TBC1D8: variants seen among roughly 807,000 people sequenced by gnomAD.
The protein encoded by TBC1D8 is BUB2-like protein 1.
In TBC1D8, 65 loss-of-function variants were observed where a neutral mutation model predicts 118.8. The observed-to-expected ratio is 0.55, with a 90% CI of 0.45 to 0.67. The LOEUF is 0.67. Among genes scored for constraint, TBC1D8 ranks in the 30% least tolerant of loss-of-function variants. The pLI is 0.00. For synonymous variants in TBC1D8, 566 were observed against 595.8 expected (o/e 0.95, Z 0.73); for missense variants, 1,376 against 1,471.2 (o/e 0.94, Z 1.06).
At position 101,118,838 on chromosome 2, in the gene TBC1D8, T is replaced by A. The variant is rs553536332; in HGVS notation, c.128-28474A>T. On this transcript the variant is annotated intron_variant, in intron 1 of 19. Coordinates refer to ENST00000409318, the MANE Select transcript of TBC1D8 (RefSeq NM_001330348.2). ...GACCGGGCAACATGTTGAAACCCCA[T>A]CTCTACGAAGAAAATACAAAAATTA... Among the ~76,000 whole-genome samples the A allele has an allele frequency of 9.9e-5, 15 of 152,080 alleles. No individual in the cohort carries two copies. In the East Asian group the frequency reaches 2.5e-3, roughly 25 times the overall value.
chr2:101,046,309 G>A (rs535382828), intron 5 of TBC1D8, among the ~76,000 whole-genome samples: 3 of 152,160 alleles, frequency 2.0e-5, no homozygotes, highest in Admixed American at 1.3e-4. Flanking sequence ...TTGGAAATCC[G>A]TCTGCACTGA....
Position 101,055,459 on chromosome 2 carries a change from C to CTACT in TBC1D8, c.403-1127_403-1124dup, listed in dbSNP as rs1252714902. On this transcript the variant is annotated intron_variant, in intron 3 of 19. Transcript: ENST00000409318. ...GGTTCAAAAATGTTGGTATTTAAGG[C>CTACT]TACTACCTGCCTGACTGTGTGGCTC... Among the ~76,000 whole-genome samples the CTACT allele has an allele frequency of 8.5e-5, 13 of 152,182 alleles. No homozygotes were observed. In the South Asian group the frequency reaches 1.5e-3, roughly 17 times the overall value.
chr2:101,081,415 A>T (rs1675258434), intron 2 of TBC1D8, among the ~76,000 whole-genome samples: 1 of 152,204 alleles, frequency 6.6e-6, no homozygotes, highest in East Asian at 1.9e-4. Flanking sequence ...GGCTACATAA[A>T]AACCTTGCAC....
At chr2:101,115,264 G>A (rs1207526340) in intron 1 of TBC1D8, among the ~76,000 whole-genome samples, 2 of 152,190 alleles carry the variant, frequency 1.3e-5, no homozygotes, top group African/African-American at 4.8e-5. Flanking sequence ...AAGAACAGAC[G>A]TGGAGCCAGT....
rs117628207 is a variant in TBC1D8 at position 101,148,199 on chromosome 2, T to A, written c.127+2928A>T. 2.8e-4 allele frequency among the ~76,000 whole-genome samples: 42 copies of A among 152,308 alleles called. No individual in the cohort carries two copies. In the East Asian group the frequency reaches 6.8e-3, roughly 24 times the overall value. ...CCCACACCCCTCCAGCTTTCCATAA[T>A]GGTCAGACTGCCAGGTAAACAGGAA... On this transcript the variant is annotated intron_variant, in intron 1 of 19. Coordinates refer to ENST00000409318, the MANE Select transcript of TBC1D8 (RefSeq NM_001330348.2).
intron 1 of TBC1D8, among the ~76,000 whole-genome samples, chr2:101,142,126 T>G (rs1276736414): frequency 1.3e-5 from 2 of 152,106 alleles, no homozygotes; most frequent in Non-Finnish European, 2.9e-5. Context: ...GGACTTAAAC[T>G]CCTAGGTTCA....
intron 8 of TBC1D8, 102 bp from the exon 9 acceptor site, chr2:101,036,270 C>T (rs4850957): frequency 0.32 from 437,902 of 1,388,324 alleles, 72,540 homozygotes; most frequent in Middle Eastern, 0.39. Flanking sequence ...CCCTGCTCTC[C>T]GAGGGGCCAA....
At chr2:101,093,373 A>AC (rs1188513908) in intron 1 of TBC1D8, among the ~76,000 whole-genome samples, 1 of 152,154 alleles carries the variant, frequency 6.6e-6, no homozygotes, top group Non-Finnish European at 1.5e-5. Context: ...ACATACACAC[A>AC]CACATATACA....
At position 101,038,466 on chromosome 2, in the gene TBC1D8, C is replaced by G. The variant is rs1558643526; in HGVS notation, c.1270G>C (p.Asp424His). 1 of 1,613,444 alleles carries G rather than the reference C, an allele frequency of 6.2e-7. No homozygotes were observed. The highest frequency in any genetic ancestry group is 8.5e-7 in the Non-Finnish European group (1 of 1,179,704). ...AGGGTCTGGAGGGACCATACCATGT[C>G]ATCATCCGCAGAGGTGTCGTAGTGC... ...PVHYDTSADD[D>H]MASLVFHSTS... The change falls in exon 7 of 20, where the codon GAC becomes CAC. Residue 424 changes from aspartate to histidine, a missense_variant. Transcript: ENST00000409318.
chr2:101,009,762 T>C (rs969536597), intron 19 of TBC1D8, among the ~76,000 whole-genome samples: 5 of 151,806 alleles, frequency 3.3e-5, no homozygotes, highest in African/African-American at 1.2e-4. Flanking sequence ...TGCTAAATTC[T>C]ACTCTTGAAG....
chr2:101,036,267 C>T (rs1485050808), intron 8 of TBC1D8, 99 bp from the exon 9 acceptor site: 33 of 1,397,404 alleles, frequency 2.4e-5, no homozygotes, highest in Non-Finnish European at 3.3e-5. Context: ...TGCCCCTGCT[C>T]TCCGAGGGGC....
At chr2:101,073,302 T>A (rs930702127) in intron 2 of TBC1D8, among the ~76,000 whole-genome samples, 8 of 145,320 alleles carry the variant, frequency 5.5e-5, no homozygotes, top group East Asian at 2.0e-4. Context: ...TTTTATTTAT[T>A]TTTTTTTTTG....
At position 101,007,236 on chromosome 2, in the gene TBC1D8, A is replaced by ATT. The variant is rs1678787472; in HGVS notation, c.*584_*585insAA. The ATT allele has an allele frequency of 6.6e-6, 1 of 152,410 alleles. No individual in the cohort carries two copies. The highest frequency in any genetic ancestry group is 6.5e-5 in the Admixed American group (1 of 15,302). The allele number at this position is 152,410 out of a possible 1,614,324, so 9.4% of individuals were successfully genotyped here. ...AAAAGAAAAGGACCAAGTAAATACA[A>ATT]AAAGTTTCTTATTAAAAAACTTGGA... is the stretch of plus-strand genomic sequence containing the variant. On this transcript the variant is annotated 3_prime_UTR_variant, in exon 20 of 20. Transcript: ENST00000409318.
At chr2:101,036,444 G>T (rs536955987) in intron 8 of TBC1D8, among the ~76,000 whole-genome samples, 2 of 141,328 alleles carry the variant, frequency 1.4e-5, no homozygotes, top group Non-Finnish European at 3.1e-5. Flanking sequence ...TAGCAAGGCT[G>T]ATAACAAGGG....
intron 1 of TBC1D8, among the ~76,000 whole-genome samples, chr2:101,147,447 C>T (rs1449799112): frequency 6.6e-6 from 1 of 152,158 alleles, no homozygotes; most frequent in Non-Finnish European, 1.5e-5. Context: ...TGAGTGTTCC[C>T]TTTTCTGCAT....
At chr2:101,140,784 CAG>C (rs1679067928) in intron 1 of TBC1D8, among the ~76,000 whole-genome samples, 2 of 136,472 alleles carry the variant, frequency 1.5e-5, no homozygotes, top group Non-Finnish European at 3.1e-5. Flanking sequence ...TTTTTTGAGA[CAG>C]AGTTTCACTC....
chr2:101,125,613 A>G (rs1678314793), intron 1 of TBC1D8, among the ~76,000 whole-genome samples: 1 of 152,254 alleles, frequency 6.6e-6, no homozygotes, highest in Non-Finnish European at 1.5e-5. Context: ...ATTCAAGATC[A>G]GAAATAACGC....
chr2:101,129,457 T>A (rs189537525), intron 1 of TBC1D8, among the ~76,000 whole-genome samples: 5 of 152,250 alleles, frequency 3.3e-5, no homozygotes, highest in East Asian at 1.9e-4. Context: ...ACAGTTTTTT[T>A]AAATATCTGT....
chr2:101,134,780 G>A (rs1041878577), intron 1 of TBC1D8, among the ~76,000 whole-genome samples: 2 of 152,176 alleles, frequency 1.3e-5, no homozygotes, highest in African/African-American at 4.8e-5. Context: ...AGGGGGCAGG[G>A]GGACACATTC....
Sources: gnomAD v4.1 joint callset for allele counts (sites outside exome capture counted in the v4.1 genomes callset) on GRCh38, gnomAD v4.1.1 for gene constraint, MANE v1.5 for transcripts, NCBI Gene and HGNC (gene_info 2026-07-23, HGNC 2026-07-21) for gene names.